Variants in GSK3B observed in about 807,000 individuals in gnomAD.
GSK3B encodes glycogen synthase kinase-3 beta.
Under a neutral mutation model 56.4 loss-of-function variants are expected in GSK3B, and 15 were observed. That is an observed-to-expected ratio of 0.27 (90% CI 0.18 to 0.41). The LOEUF (loss-of-function observed/expected upper bound fraction) is 0.41. Among genes scored for constraint, GSK3B ranks in the 10% least tolerant of loss-of-function variants. The pLI is 1.00. For synonymous variants in GSK3B, 181 were observed against 188.9 expected (o/e 0.96, Z 0.34); for missense variants, 300 against 513.4 (o/e 0.58, Z 4.02).
At chr3:119,931,001 C>T (rs2056940315) in intron 3 of GSK3B, among the ~76,000 whole-genome samples, 1 of 152,202 alleles carries the variant, frequency 6.6e-6, no homozygotes. Flanking sequence ...AAAAAATGCT[C>T]TTGTTAAATT....
intron 7 of GSK3B, among the ~76,000 whole-genome samples, chr3:119,881,403 A>C (rs1178421779): frequency 6.6e-6 from 1 of 152,188 alleles, no homozygotes; most frequent in African/African-American, 2.4e-5. Flanking sequence ...TCTAGCTCTA[A>C]TTCTTAATAT....
At chr3:120,051,352 C>T (rs1256116087) in intron 1 of GSK3B, among the ~76,000 whole-genome samples, 1 of 151,968 alleles carries the variant, frequency 6.6e-6, no homozygotes, top group East Asian at 1.9e-4. Flanking sequence ...TGTAGGGAAG[C>T]TGTAACACTG....
intron 9 of GSK3B, among the ~76,000 whole-genome samples, chr3:119,861,712 C>A (rs930428610): frequency 2.6e-5 from 4 of 152,142 alleles, no homozygotes; most frequent in African/African-American, 9.7e-5. Flanking sequence ...GGTGCTAAGA[C>A]AGAGCATTTG....
chr3:119,928,612 TAAAA>T (rs1160252679), intron 3 of GSK3B, among the ~76,000 whole-genome samples: 239 of 67,058 alleles, frequency 3.6e-3, no homozygotes, highest in Middle Eastern at 0.013. Flanking sequence ...ATCAAAAAAA[TAAAA>T]AAAAAAAAAA....
At chr3:119,878,166 A>C (rs2056335475) in intron 7 of GSK3B, among the ~76,000 whole-genome samples, 1 of 152,112 alleles carries the variant, frequency 6.6e-6, no homozygotes. Flanking sequence ...TTTAAAAGAC[A>C]CTCTTAAGAA....
Position 119,998,721 on chromosome 3 carries a change from G to A in GSK3B, c.282+3325C>T, listed in dbSNP as rs562157487. On this transcript the variant is annotated intron_variant, in intron 2 of 10. Coordinates refer to ENST00000264235, the MANE Select transcript of GSK3B (RefSeq NM_001146156.2). ...TAATCCCACCACTTTAGGAAGCCAAGAGGGAGAACCAGTTTAGGCCAGGAG... is the reference window on the plus strand; with the variant it reads ...TAATCCCACCACTTTAGGAAGCCAAAAGGGAGAACCAGTTTAGGCCAGGAG... Among the ~76,000 whole-genome samples the A allele has an allele frequency of 4.2e-4, 64 of 152,302 alleles. No homozygotes were observed. The Middle Eastern group carries it at 0.01, about 24-fold the overall frequency.
At chr3:119,902,900 A>C (rs1414263536) in intron 7 of GSK3B, among the ~76,000 whole-genome samples, 4 of 151,870 alleles carry the variant, frequency 2.6e-5, no homozygotes, top group Non-Finnish European at 4.4e-5. Flanking sequence ...TTTTTTGTAG[A>C]GACTGGGTTT....
chr3:120,062,433 A>C (rs2058245226), intron 1 of GSK3B, among the ~76,000 whole-genome samples: 1 of 152,220 alleles, frequency 6.6e-6, no homozygotes, highest in Non-Finnish European at 1.5e-5. Context: ...CCAAAGTCTA[A>C]GGGGAAAAAA....
intron 3 of GSK3B, among the ~76,000 whole-genome samples, chr3:119,933,864 G>GA (rs1026339769): frequency 1.1e-4 from 16 of 152,156 alleles, no homozygotes; most frequent in Admixed American, 7.2e-4. Flanking sequence ...TAGGCAGAGC[G>GA]AGACTCCTTC....
chr3:119,830,595 G>C (rs1417102328), intron 10 of GSK3B, among the ~76,000 whole-genome samples: 1 of 152,172 alleles, frequency 6.6e-6, no homozygotes, highest in East Asian at 1.9e-4. Context: ...TGGTTTAAAA[G>C]AGAGGCTAAG....
intron 2 of GSK3B, among the ~76,000 whole-genome samples, chr3:119,970,618 A>ATT: frequency 6.7e-6 from 1 of 149,890 alleles, no homozygotes; most frequent in South Asian, 2.1e-4. Flanking sequence ...AAAATTAAAA[A>ATT]AAAAAAAAAA....
intron 1 of GSK3B, among the ~76,000 whole-genome samples, chr3:120,081,312 T>C (rs1329310031): frequency 6.7e-6 from 1 of 150,348 alleles, no homozygotes; most frequent in Non-Finnish European, 1.5e-5. Context: ...CCCAACACTT[T>C]GGGAGGCGGG....
chr3:120,028,040 G>A (rs911703586), intron 1 of GSK3B, among the ~76,000 whole-genome samples: 8 of 152,170 alleles, frequency 5.3e-5, no homozygotes, highest in African/African-American at 1.7e-4. Flanking sequence ...TTCTAAAATT[G>A]AGTATAATCA....
In GSK3B at chr3:120,025,297, T is replaced by C. The variant is rs554301786; in HGVS notation, c.89-23058A>G. ...AGGCGGAAGTTGCAATGAGCCTGGG[T>C]GACAGATATCTTCTGGAGGGCTGTT... On this transcript the variant is annotated intron_variant, in intron 1 of 10. Transcript: ENST00000264235. Among the ~76,000 whole-genome samples, 3 of 152,282 alleles carry C rather than the reference T, an allele frequency of 2.0e-5. No homozygotes were observed. In the South Asian group the frequency reaches 6.2e-4, roughly 32 times the overall value.
At chr3:119,911,803 C>T (rs75218511) in intron 6 of GSK3B, among the ~76,000 whole-genome samples, 16,040 of 152,166 alleles carry the variant, frequency 0.11, 963 homozygotes, top group African/African-American at 0.17. Context: ...TCTTGTGTAG[C>T]TTCCTCACCT....
At chr3:119,936,885 T>C (rs754375779) in intron 3 of GSK3B, among the ~76,000 whole-genome samples, 2 of 151,890 alleles carry the variant, frequency 1.3e-5, no homozygotes, top group African/African-American at 2.4e-5. Flanking sequence ...AAAAACCAAC[T>C]GGACCCAACA....
intron 2 of GSK3B, among the ~76,000 whole-genome samples, chr3:119,992,092 T>C (rs909220557): frequency 6.6e-6 from 1 of 152,082 alleles, no homozygotes; most frequent in African/African-American, 2.4e-5. Context: ...ATCAACACTT[T>C]TTTTATAAAG....
At chr3:119,862,589 G>T (rs1191022294) in intron 9 of GSK3B, among the ~76,000 whole-genome samples, 1 of 148,400 alleles carries the variant, frequency 6.7e-6, no homozygotes, top group Non-Finnish European at 1.5e-5. Context: ...TTCTTTCTTG[G>T]TCACATAAAA....
intron 5 of GSK3B, among the ~76,000 whole-genome samples, chr3:119,914,919 G>A (rs981724354): frequency 1.2e-4 from 19 of 152,080 alleles, no homozygotes; most frequent in Non-Finnish European, 1.5e-5. Flanking sequence ...TAGAGCTATG[G>A]TGAAAAGAAT....
Sources: gnomAD v4.1 joint callset for allele counts (sites outside exome capture counted in the v4.1 genomes callset) on GRCh38, gnomAD v4.1.1 for gene constraint, MANE v1.5 for transcripts, NCBI Gene and HGNC (gene_info 2026-07-23, HGNC 2026-07-21) for gene names.